Variants in TRIO observed in about 807,000 individuals in gnomAD.
TRIO encodes the protein triple functional domain protein.
TRIO carries 58 observed loss-of-function variants against 351.9 expected under a neutral mutation model. The observed-to-expected ratio is 0.16, with a 90% CI of 0.13 to 0.21. The LOEUF is 0.21. TRIO is among the 10% of genes least tolerant of loss of function. The pLI is 1.00. For missense variants in TRIO, 3,201 were observed against 4,027.8 expected (o/e 0.79, Z 5.56); for synonymous variants, 1,758 against 1,595.7 (o/e 1.10, Z -2.42).
At position 14,387,718 on chromosome 5, in the gene TRIO, C is replaced by G. The variant is rs1274386175; in HGVS notation, c.3766-14C>G. ...ATTTAATTAACTGAGTTCATTGGCT[C>G]TGTTATTCCACAGAGTAAAAGTCTC... is the stretch of plus-strand genomic sequence containing the variant. On this transcript the variant is annotated splice_polypyrimidine_tract_variant and intron_variant, in intron 22 of 56. Coordinates refer to ENST00000344204, the MANE Select transcript of TRIO (RefSeq NM_007118.4). 6.2e-7 allele frequency: 1 copy of G among 1,613,822 alleles called. No homozygotes were observed. Among genetic ancestry groups the G allele is most frequent in the East Asian group, 2.2e-5 (1 of 44,878 alleles).
chr5:14,287,687 C>T (rs952670983), intron 4 of TRIO, among the ~76,000 whole-genome samples: 5 of 151,526 alleles, frequency 3.3e-5, no homozygotes, highest in Non-Finnish European at 7.3e-5. Context: ...TACCAAGGTT[C>T]TGACAAGGCC....
chr5:14,499,160 C>T (rs62345877), intron 53 of TRIO: 2,235 of 153,622 alleles, frequency 0.015, 25 homozygotes, highest in Non-Finnish European at 0.024. Context: ...GGTGAATGCA[C>T]GCCCTCCTCA....
intron 1 of TRIO, among the ~76,000 whole-genome samples, chr5:14,191,656 T>G (rs976191584): frequency 6.6e-5 from 10 of 152,226 alleles, no homozygotes; most frequent in African/African-American, 2.4e-4. Context: ...TTATGATATT[T>G]TCTTAGAGAA....
chr5:14,460,804 AATG>A (rs1468543893), intron 34 of TRIO, among the ~76,000 whole-genome samples: 1 of 152,118 alleles, frequency 6.6e-6, no homozygotes, highest in Non-Finnish European at 1.5e-5. Flanking sequence ...GCATCTTGAG[AATG>A]ATCATCTCTA....
intron 1 of TRIO, among the ~76,000 whole-genome samples, chr5:14,164,841 A>G (rs1383258522): frequency 6.6e-6 from 1 of 152,186 alleles, no homozygotes; most frequent in Non-Finnish European, 1.5e-5. Flanking sequence ...AGCTCTTTAC[A>G]TATAGGCCCC....
chr5:14,449,082 C>T (rs1180317936), intron 34 of TRIO, among the ~76,000 whole-genome samples: 4 of 152,282 alleles, frequency 2.6e-5, no homozygotes, highest in East Asian at 1.9e-4. Context: ...AAGTAAGCCT[C>T]GGCCTACAGA....
At position 14,461,022 on chromosome 5, in the gene TRIO, C is replaced by G. The variant is rs557007717; in HGVS notation, c.5207C>G (p.Ser1736Trp). The change falls in exon 35 of 57, where the codon TCG (serine) becomes TGG (tryptophan). Residue 1736 changes from serine to tryptophan, a missense_variant. Around this residue, in one of 19 missense-constraint regions of TRIO, gnomAD observed 193 missense variants for 218.8 expected, o/e 0.88. Transcript: ENST00000344204. ...TCCCTCTCTTTCTCCCTGGCAGACT[C>G]GCTCTCCGTCTCCAGCAATGACGCC... is the stretch of plus-strand genomic sequence containing the variant. The part of the protein sequence containing the change: ...EMEGIFNHKD[S>W]LSVSSNDASP... 6 of 1,564,830 alleles carry G rather than the reference C, an allele frequency of 3.8e-6. No individual in the cohort carries two copies. Among genetic ancestry groups the G allele is most frequent in the Non-Finnish European group, 4.3e-6 (5 of 1,152,948 alleles).
At chr5:14,347,776 G>A (rs1579388139) in intron 11 of TRIO, among the ~76,000 whole-genome samples, 1 of 152,328 alleles carries the variant, frequency 6.6e-6, no homozygotes, top group East Asian at 1.9e-4. Flanking sequence ...CATGCAGAAA[G>A]CCTGTGAGTG....
rs1466058224 is a variant in TRIO, at chr5:14,405,879, T to A, written c.4748T>A (p.Ile1583Lys). The A allele has an allele frequency of 6.2e-7, 1 of 1,613,880 alleles. No homozygotes were observed. ...ASSIENKQDW[I>K]KHIREVIQER... ...AGCATAGAGAACAAGCAGGACTGGA[T>A]AAAGCATATCCGCGAAGTCATCCAG... Residue 1583 changes from isoleucine to lysine, a missense_variant, in exon 32 of 57, where the codon ATA becomes AAA. Around this residue, in one of 19 missense-constraint regions of TRIO, gnomAD observed 136 missense variants for 229.5 expected, o/e 0.59. Transcript: ENST00000344204.
Position 14,296,732 on chromosome 5 carries a change from A to G in TRIO, c.1177-340A>G, listed in dbSNP as rs567899780. ...GTGACTGCCTGGCAGCAGGCTTGCC[A>G]TCTGGACCCTGTTCAGTATTTGAAG... is the stretch of plus-strand genomic sequence containing the variant. On this transcript the variant is annotated intron_variant, in intron 6 of 56. Coordinates refer to ENST00000344204, the MANE Select transcript of TRIO (RefSeq NM_007118.4). Among the ~76,000 whole-genome samples the G allele has an allele frequency of 1.2e-4, 18 of 152,312 alleles. No homozygotes were observed. The South Asian group carries it at 3.5e-3, about 30-fold the overall frequency.
At chr5:14,506,830 C>T (rs1000446771) in intron 55 of TRIO, among the ~76,000 whole-genome samples, 24 of 152,294 alleles carry the variant, frequency 1.6e-4, no homozygotes, top group Middle Eastern at 3.4e-3. Flanking sequence ...CTGGCACTGC[C>T]GGCAGCCGGG....
At chr5:14,222,124 G>C (rs994245418) in intron 1 of TRIO, among the ~76,000 whole-genome samples, 1 of 147,430 alleles carries the variant, frequency 6.8e-6, no homozygotes, top group African/African-American at 2.5e-5. Flanking sequence ...CTCAGATGAT[G>C]TTAGCACTTT....
At chr5:14,364,847 T>A (rs1309622446) in intron 15 of TRIO, 31 bp downstream of exon 15, 5 of 1,590,098 alleles carry the variant, frequency 3.1e-6, no homozygotes, top group Non-Finnish European at 4.3e-6. Flanking sequence ...TTGGGGAGGC[T>A]GCGCTACAGA....
intron 1 of TRIO, among the ~76,000 whole-genome samples, chr5:14,224,984 A>G (rs1275496775): frequency 6.6e-6 from 1 of 152,072 alleles, no homozygotes; most frequent in Non-Finnish European, 1.5e-5. Context: ...TGTTCCTGAG[A>G]ATGAAAGGGG....
intron 11 of TRIO, 147 bp downstream of exon 11, chr5:14,336,874 G>A (rs1741465918): frequency 1.3e-5 from 11 of 852,566 alleles, no homozygotes; most frequent in African/African-American, 1.7e-5. Flanking sequence ...GTGTGTCTGC[G>A]TGGACAGGGA....
intron 1 of TRIO, among the ~76,000 whole-genome samples, chr5:14,223,339 G>A (rs772531642): frequency 8.5e-5 from 13 of 152,160 alleles, no homozygotes; most frequent in Non-Finnish European, 1.6e-4. Context: ...AGAATCATTC[G>A]TTGGCACCCT....
intron 8 of TRIO, among the ~76,000 whole-genome samples, chr5:14,306,810 C>T (rs1738414470): frequency 6.6e-6 from 1 of 152,176 alleles, no homozygotes; most frequent in Admixed American, 6.5e-5. Context: ...AATACAGAAT[C>T]TCCTAATTGT....
intron 11 of TRIO, among the ~76,000 whole-genome samples, chr5:14,348,317 A>T (rs1159105294): frequency 6.6e-6 from 1 of 152,208 alleles, no homozygotes; most frequent in Non-Finnish European, 1.5e-5. Flanking sequence ...CTGGTTATTT[A>T]TACACTCTTT....
intron 46 of TRIO, among the ~76,000 whole-genome samples, chr5:14,483,385 C>G (rs1290589435): frequency 6.6e-6 from 1 of 152,306 alleles, no homozygotes; most frequent in Middle Eastern, 3.4e-3. Flanking sequence ...AGATACATGC[C>G]CCCGCCAGGG....
Sources: gnomAD v4.1 joint callset for allele counts (sites outside exome capture counted in the v4.1 genomes callset) on GRCh38, gnomAD v4.1.1 for gene constraint, gnomAD v4.1.1 regional missense constraint, MANE v1.5 for transcripts, NCBI Gene and HGNC (gene_info 2026-07-23, HGNC 2026-07-21) for gene names.